The following MPPED2 variants were observed in gnomAD, a reference collection of about 807,000 sequenced individuals.
MPPED2 encodes metallophosphoesterase MPPED2.
Under a neutral mutation model 33.0 loss-of-function variants are expected in MPPED2, and 5 were observed. That is an observed-to-expected ratio of 0.15 (90% CI 0.08 to 0.32). MPPED2 has a LOEUF of 0.32. Ranked by LOEUF, MPPED2 falls within the 10% of genes least tolerant of loss-of-function variation. The probability of loss-of-function intolerance (pLI) is 1.00; values close to 1 mark genes in which losing one functional copy is unlikely to be tolerated. For missense variants in MPPED2, 275 were observed against 372.1 expected (o/e 0.74, Z 2.15); for synonymous variants, 136 against 141.9 (o/e 0.96, Z 0.29).
chr11:30,428,158 A>T (rs1948925355), intron 4 of MPPED2, among the ~76,000 whole-genome samples: 1 of 152,194 alleles, frequency 6.6e-6, no homozygotes, highest in South Asian at 2.1e-4. Context: ...TCTTAAATTC[A>T]TTCATGGAAT....
At chr11:30,563,809 C>G (rs1393882331) in intron 2 of MPPED2, among the ~76,000 whole-genome samples, 1 of 152,178 alleles carries the variant, frequency 6.6e-6, no homozygotes, top group Non-Finnish European at 1.5e-5. Context: ...CAGCCAGCAT[C>G]AATCCTGCCC....
intron 6 of MPPED2, among the ~76,000 whole-genome samples, chr11:30,398,202 C>T (rs1947862277): frequency 6.6e-6 from 1 of 152,132 alleles, no homozygotes; most frequent in Non-Finnish European, 1.5e-5. Context: ...CCAATCTCCA[C>T]AGTCATGCTA....
chr11:30,442,604 A>G (rs1210323042), intron 4 of MPPED2, among the ~76,000 whole-genome samples: 1 of 152,254 alleles, frequency 6.6e-6, no homozygotes, highest in Non-Finnish European at 1.5e-5. Flanking sequence ...AACAGTGGCT[A>G]CAGTGACACA....
intron 4 of MPPED2, among the ~76,000 whole-genome samples, chr11:30,478,005 T>C (rs1427853827): frequency 6.6e-6 from 1 of 152,110 alleles, no homozygotes; most frequent in Non-Finnish European, 1.5e-5. Context: ...CGTTTTCAAA[T>C]GGTTTCTCCT....
chr11:30,554,081 G>A (rs1438581640), intron 2 of MPPED2, among the ~76,000 whole-genome samples: 2 of 152,152 alleles, frequency 1.3e-5, no homozygotes, highest in Non-Finnish European at 2.9e-5. Flanking sequence ...CCAATTTAGA[G>A]TCCTTGGGTA....
intron 1 of MPPED2, among the ~76,000 whole-genome samples, chr11:30,583,537 A>G (rs1225274355): frequency 6.6e-6 from 1 of 152,220 alleles, no homozygotes; most frequent in East Asian, 1.9e-4. Context: ...TCTCTTTAAA[A>G]AGAAAATCAT....
chr11:30,469,513 A>G (rs1950858328), intron 4 of MPPED2, among the ~76,000 whole-genome samples: 1 of 152,190 alleles, frequency 6.6e-6, no homozygotes, highest in Admixed American at 6.5e-5. Flanking sequence ...GCATAGCAGA[A>G]AGAGCCAAGT....
At chr11:30,525,877 T>C (rs970137244) in intron 3 of MPPED2, among the ~76,000 whole-genome samples, 1 of 152,190 alleles carries the variant, frequency 6.6e-6, no homozygotes, top group Non-Finnish European at 1.5e-5. Flanking sequence ...CACAGAGGAT[T>C]GGGTTCACAT....
intron 4 of MPPED2, among the ~76,000 whole-genome samples, chr11:30,464,568 T>C (rs16920714): frequency 0.23 from 35,085 of 152,122 alleles, 6,514 homozygotes; most frequent in African/African-American, 0.52. Flanking sequence ...CTGGCTGTTT[T>C]CTAATCATCT....
intron 6 of MPPED2, among the ~76,000 whole-genome samples, chr11:30,394,269 T>C (rs985889201): frequency 4.6e-5 from 7 of 152,184 alleles, no homozygotes; most frequent in African/African-American, 1.7e-4. Context: ...TGAGTCATCA[T>C]CTCTCTAGGG....
Position 30,504,792 on chromosome 11 carries a change from A to G in MPPED2, c.311-9271T>C. The stretch of plus-strand genomic sequence containing the variant: ...ACTGCTACCTTCTCCTCTGAAACTC[A>G]TGCATTAGGGTTTCTTCCATGCTTG... On this transcript the variant is annotated intron_variant, in intron 3 of 6. Transcript: ENST00000358117. 3.1e-6 allele frequency: 4 copies of G among 1,288,968 alleles called. No homozygotes were observed. The South Asian group carries it at 4.9e-5, about 16-fold the overall frequency. The allele number at this position is 1,288,968 out of a possible 1,614,324, so 79.8% of individuals were successfully genotyped here.
chr11:30,552,071 A>T (rs959785873), intron 2 of MPPED2, among the ~76,000 whole-genome samples: 1 of 152,196 alleles, frequency 6.6e-6, no homozygotes, highest in Non-Finnish European at 1.5e-5. Context: ...CCTACACCCT[A>T]ACTGGGAAAA....
intron 2 of MPPED2, among the ~76,000 whole-genome samples, chr11:30,574,346 A>G (rs1041475625): frequency 6.6e-6 from 1 of 152,200 alleles, no homozygotes; most frequent in African/African-American, 2.4e-5. Flanking sequence ...AGGATGCTAT[A>G]TAGGTTTGTA....
At chr11:30,567,071 CAGG>C (rs1179599023) in intron 2 of MPPED2, among the ~76,000 whole-genome samples, 1 of 152,168 alleles carries the variant, frequency 6.6e-6, no homozygotes, top group African/African-American at 2.4e-5. Context: ...ACAAAAAATA[CAGG>C]AGGTGTGCCT....
chr11:30,545,075 C>T (rs1955337984), intron 2 of MPPED2, among the ~76,000 whole-genome samples: 2 of 152,102 alleles, frequency 1.3e-5, no homozygotes, highest in Admixed American at 6.5e-5. Context: ...ATTTGAAAGG[C>T]CAGCGGGATT....
chr11:30,399,117 C>T (rs1046674773), intron 6 of MPPED2, among the ~76,000 whole-genome samples: 2 of 151,862 alleles, frequency 1.3e-5, no homozygotes, highest in South Asian at 2.1e-4. Flanking sequence ...ATATTGTCCT[C>T]TTTGACCTTG....
At chr11:30,413,819 A>C (rs987421365) in intron 6 of MPPED2, among the ~76,000 whole-genome samples, 1 of 152,184 alleles carries the variant, frequency 6.6e-6, no homozygotes, top group Admixed American at 6.5e-5. Context: ...CAATATTTAC[A>C]GGTAGGAGGG....
intron 4 of MPPED2, among the ~76,000 whole-genome samples, chr11:30,437,808 G>A (rs181152381): frequency 7.9e-5 from 12 of 152,136 alleles, no homozygotes; most frequent in African/African-American, 2.2e-4. Context: ...TTAACAAAAT[G>A]TGCCTCCAGA....
intron 4 of MPPED2, among the ~76,000 whole-genome samples, chr11:30,433,257 T>A (rs1311966198): frequency 6.6e-6 from 1 of 152,214 alleles, no homozygotes; most frequent in African/African-American, 2.4e-5. Flanking sequence ...AACATTACCA[T>A]AGTAAAGATT....
Sources: gnomAD v4.1 joint callset for allele counts (sites outside exome capture counted in the v4.1 genomes callset) on GRCh38, gnomAD v4.1.1 for gene constraint, MANE v1.5 for transcripts, NCBI Gene and HGNC (gene_info 2026-07-23, HGNC 2026-07-21) for gene names.